Variants in WDR76 observed in about 807,000 individuals in gnomAD.
The protein encoded by WDR76 is WD repeat-containing protein 76.
A neutral mutation model predicts 70.2 loss-of-function variants in WDR76; 52 were observed. The observed-to-expected ratio is 0.74, with a 90% CI of 0.59 to 0.93. The LOEUF (loss-of-function observed/expected upper bound fraction) is 0.93, where lower values mean the gene tolerates loss of function less well. Ranked by LOEUF, WDR76 falls within the 40% of genes least tolerant of loss-of-function variation. WDR76 has a pLI of 0.00. For synonymous variants in WDR76, 292 were observed against 271.1 expected, an observed-to-expected ratio of 1.08 and a Z score of -0.76; for missense variants, 756 against 760.2, an observed-to-expected ratio of 0.99 and a Z score of 0.07.
chr15:43,857,031 G>T lies in WDR76; in HGVS notation c.1277G>T (p.Gly426Val). The change falls in exon 10 of 13, where the codon GGA (glycine) becomes GTA (valine). Residue 426 changes from glycine (G) to valine (V), a missense_variant. Transcript: ENST00000263795. ...ACTTTAATAGTAGGACACTGGGATG[G>T]AAATATGTCACTGGTGGATAGACGG... ...ASTLIVGHWD[G>V]NMSLVDRRTP... 6.2e-7 allele frequency: 1 copy of T among 1,614,090 alleles called. No homozygotes were observed. The highest frequency in any genetic ancestry group is 8.5e-7 in the Non-Finnish European group (1 of 1,180,002).
rs562843114 is a variant in WDR76, at chr15:43,832,386, TA to T, written c.463-2664del. ...GTGACAGAGTGAGACGCTATCACTT[TA>T]AAAAAAAAAATTGTGATAACATGCC... On this transcript the variant is annotated intron_variant, in intron 2 of 12. Transcript: ENST00000263795. Among the ~76,000 whole-genome samples, 80 of 147,732 alleles carry T rather than the reference TA, an allele frequency of 5.4e-4. No homozygotes were observed. In the South Asian group the frequency reaches 0.011, roughly 21 times the overall value.
At position 43,844,055 on chromosome 15, in the gene WDR76, G is replaced by GT. The variant is rs2087757356; in HGVS notation, c.1032+2dup. On this transcript the variant is annotated splice_donor_variant, in intron 8 of 12. Coordinates refer to ENST00000263795, the MANE Select transcript of WDR76 (RefSeq NM_024908.4). LOFTEE classifies it high-confidence loss of function. ...TGGGCAAGTTGGACTTTGTGATTTGGTAAGTTATTAAATTTCTTGAATATA... is the reference window on the plus strand; with the variant it reads ...TGGGCAAGTTGGACTTTGTGATTTGGTTAAGTTATTAAATTTCTTGAATATA... The GT allele has an allele frequency of 6.2e-7, 1 of 1,611,916 alleles. No individual in the cohort carries two copies.
chr15:43,861,382 A>G lies in WDR76; in HGVS notation c.1612A>G (p.Ile538Val). Residue 538 changes from isoleucine (I) to valine (V), a missense_variant, in exon 12 of 13, where the codon ATC becomes GTC. Physicochemically the swap from Ile to Val is conservative, Grantham distance 29 (BLOSUM62 3). Coordinates refer to ENST00000263795, the MANE Select transcript of WDR76 (RefSeq NM_024908.4). ...TTCTAAGATTCCGCTCCTCACCACCATCAGGTAGGCTTCTATATGCCAAAT... is the reference window on the plus strand; with the variant it reads ...TTCTAAGATTCCGCTCCTCACCACCGTCAGGTAGGCTTCTATATGCCAAAT... ...ISSKIPLLTT[I>V]RHNTFTGRWL... 2.5e-6 allele frequency: 4 copies of G among 1,613,876 alleles called. No homozygotes were observed. Among genetic ancestry groups the G allele is most frequent in the Admixed American group, 3.3e-5 (2 of 60,024 alleles).
intron 5 of WDR76, 29 bp downstream of exon 5, chr15:43,839,757 A>G (rs1429498138): frequency 2.6e-6 from 4 of 1,557,800 alleles, no homozygotes; most frequent in Non-Finnish European, 3.5e-6. Context: ...ATAATATTTT[A>G]ATGTAATAAA....
At chr15:43,854,288 G>C (rs1309548351) in intron 9 of WDR76, among the ~76,000 whole-genome samples, 2 of 152,194 alleles carry the variant, frequency 1.3e-5, no homozygotes, top group Non-Finnish European at 2.9e-5. Context: ...ACAAAGAATA[G>C]GTTGGGCATG....
At chr15:43,844,343 T>C (rs624271) in intron 8 of WDR76, among the ~76,000 whole-genome samples, 143,784 of 152,190 alleles carry the variant, frequency 0.94, 68,452 homozygotes, top group East Asian at 1. Context: ...AGTGGCCGGG[T>C]GCGGTGGGTC....
intron 2 of WDR76, among the ~76,000 whole-genome samples, chr15:43,832,743 G>GTTTTTTTTTTTTTTTTTTTT (rs201304087): frequency 1.5e-5 from 1 of 68,072 alleles, no homozygotes; most frequent in African/African-American, 6.2e-5. Flanking sequence ...GGCTTGCTTT[G>GTTTTTTTTTTTTTTTTTTTT]TTTTTTTTTT....
intron 9 of WDR76, among the ~76,000 whole-genome samples, chr15:43,854,005 A>G (rs1266437192): frequency 1.3e-5 from 2 of 152,316 alleles, no homozygotes; most frequent in Admixed American, 6.5e-5. Flanking sequence ...GCAAATCACA[A>G]TGAGATACCC....
At chr15:43,847,471 G>T (rs1487522105) in intron 8 of WDR76, among the ~76,000 whole-genome samples, 2 of 151,762 alleles carry the variant, frequency 1.3e-5, no homozygotes, top group Non-Finnish European at 2.9e-5. Flanking sequence ...GCCCAGGCTG[G>T]CATGCAGTGG....
At chr15:43,841,109 C>T (rs1402977234) in intron 5 of WDR76, among the ~76,000 whole-genome samples, 2 of 151,460 alleles carry the variant, frequency 1.3e-5, no homozygotes, top group African/African-American at 2.4e-5. Context: ...CAACCTCCGC[C>T]TCCCGGGTTC....
intron 9 of WDR76, among the ~76,000 whole-genome samples, chr15:43,855,568 T>G (rs916188801): frequency 6.6e-6 from 1 of 152,224 alleles, no homozygotes; most frequent in Non-Finnish European, 1.5e-5. Context: ...GATTCAACAA[T>G]AAGAATTGTG....
chr15:43,866,024 G>A lies in WDR76; in HGVS notation c.1617-104G>A, dbSNP rs1567194964. The A allele has an allele frequency of 3.6e-6, 5 of 1,375,008 alleles. No individual in the cohort carries two copies. The East Asian group carries it at 9.8e-5, about 27-fold the overall frequency. 85.2% of individuals were successfully genotyped at this position (1,375,008 alleles called of 1,614,324 possible). Reference sequence around the variant, plus strand: ...CAGTAACTTAATGAGAAGAAACTTGGCAGAGAAAACTAGCATTTAGGAGCA... The same window carrying A: ...CAGTAACTTAATGAGAAGAAACTTGACAGAGAAAACTAGCATTTAGGAGCA... On this transcript the variant is annotated intron_variant, in intron 12 of 12. Coordinates refer to ENST00000263795, the MANE Select transcript of WDR76 (RefSeq NM_024908.4).
chr15:43,831,067 A>G (rs1476019099), intron 2 of WDR76, among the ~76,000 whole-genome samples: 2 of 150,430 alleles, frequency 1.3e-5, no homozygotes, highest in Admixed American at 1.3e-4. Flanking sequence ...ACCAAAAAAA[A>G]AGAAAATATA....
At chr15:43,852,108 C>T (rs1326560479) in intron 9 of WDR76, among the ~76,000 whole-genome samples, 1 of 152,182 alleles carries the variant, frequency 6.6e-6, no homozygotes, top group Non-Finnish European at 1.5e-5. Flanking sequence ...ACAAACATAT[C>T]ATTTGAAATG....
chr15:43,866,427 G>T lies in WDR76; in HGVS notation c.*35G>T. 3 of 1,609,782 alleles carry T rather than the reference G, an allele frequency of 1.9e-6. No individual in the cohort carries two copies. In the South Asian group the frequency reaches 3.3e-5, roughly 18 times the overall value. On this transcript the variant is annotated 3_prime_UTR_variant, in exon 13 of 13. Transcript: ENST00000263795. ...TTAGGAACATCAATTTGTTCAAATT[G>T]ACCACTGTCTAAGGAGCCTAGTAAT...
chr15:43,841,179 C>T (rs995985097), intron 5 of WDR76, among the ~76,000 whole-genome samples: 8 of 150,336 alleles, frequency 5.3e-5, no homozygotes, highest in African/African-American at 1.5e-4. Flanking sequence ...TGCTACCACG[C>T]CTGGCTAAGT....
At chr15:43,844,142 T>C in intron 8 of WDR76, 88 bp downstream of exon 8, 6 of 1,252,812 alleles carry the variant, frequency 4.8e-6, no homozygotes, top group Non-Finnish European at 6.3e-6. Context: ...TGTTTATAAA[T>C]GTTGCGTGAG....
chr15:43,843,398 T>C lies in WDR76; in HGVS notation c.879-503T>C, dbSNP rs150636030. Reference sequence around the variant, plus strand: ...TATTGAATAATTATAAAATATTCCATTGAGTAGAAGGAGTTCACTTCTCCT... The same window carrying C: ...TATTGAATAATTATAAAATATTCCACTGAGTAGAAGGAGTTCACTTCTCCT... On this transcript the variant is annotated intron_variant, in intron 7 of 12. Transcript: ENST00000263795. 3.9e-5 allele frequency among the ~76,000 whole-genome samples: 6 copies of C among 152,340 alleles called. No homozygotes were observed. The East Asian group carries it at 7.7e-4, about 20-fold the overall frequency.
intron 9 of WDR76, 89 bp downstream of exon 9, chr15:43,851,334 G>T (rs1314591261): frequency 1.3e-6 from 2 of 1,522,456 alleles, no homozygotes; most frequent in Admixed American, 1.8e-5. Context: ...CCAATTGGGA[G>T]AAGTGGTATA....
Sources: gnomAD v4.1 joint callset for allele counts (sites outside exome capture counted in the v4.1 genomes callset) on GRCh38, gnomAD v4.1.1 for gene constraint, MANE v1.5 for transcripts, NCBI Gene and HGNC (gene_info 2026-07-23, HGNC 2026-07-21) for gene names.